LSS: variants seen among roughly 807,000 people sequenced by gnomAD.
The protein encoded by LSS is 2,3-epoxysqualene-lanosterol cyclase.
In LSS, 90 loss-of-function variants were observed where a neutral mutation model predicts 110.3. The observed-to-expected ratio is 0.82, with a 90% CI of 0.69 to 0.97. The LOEUF (loss-of-function observed/expected upper bound fraction) is 0.97. Among genes scored for constraint, LSS ranks in the 50% least tolerant of loss-of-function variants. LSS has a pLI of 0.00. For missense variants in LSS, 927 were observed against 990.0 expected, an observed-to-expected ratio of 0.94 and a Z score of 0.85; for synonymous variants, 433 against 400.0, an observed-to-expected ratio of 1.08 and a Z score of -0.98.
rs754521250 is a variant in LSS, at chr21:46,209,523, G to A, written c.1266+31C>T. 7.0e-6 allele frequency: 11 copies of A among 1,577,228 alleles called. No individual in the cohort carries two copies. The South Asian group carries it at 1.0e-4, about 15-fold the overall frequency. The stretch of plus-strand genomic sequence containing the variant: ...CTCCCAGCCCTGATCCCCCTCTTCA[G>A]CCCCCTCAGAGCCCCAGGCACCGGC... On this transcript the variant is annotated intron_variant, in intron 13 of 21. Transcript: ENST00000397728. This position sits in a 1 kb window ranked among gnomAD's most constrained non-coding sequence, Gnocchi z 4.4.
At chr21:46,192,462 C>T (rs1296342350) in intron 20 of LSS, 7 of 453,726 alleles carry the variant, frequency 1.5e-5, no homozygotes, top group African/African-American at 1.0e-4. Context: ...GAAGATTCCC[C>T]AAATGGCCAC....
chr21:46,192,088 G>A (rs2079824755), intron 20 of LSS, 129 bp from the exon 21 acceptor site: 2 of 733,890 alleles, frequency 2.7e-6, no homozygotes, highest in East Asian at 2.7e-5. Context: ...CTAAACTGAC[G>A]CCCACAGGCC....
At chr21:46,196,798 G>A (rs975538097) in intron 17 of LSS, among the ~76,000 whole-genome samples, 4 of 152,214 alleles carry the variant, frequency 2.6e-5, no homozygotes, top group South Asian at 2.1e-4. Flanking sequence ...TCCTGGGACC[G>A]AGGTCTGTGT....
rs746829042 is a variant in LSS, at chr21:46,227,703, C to T, written c.181-13G>A. On this transcript the variant is annotated splice_polypyrimidine_tract_variant and intron_variant, in intron 2 of 21. Coordinates refer to ENST00000397728, the MANE Select transcript of LSS (RefSeq NM_002340.6). ...TAAAGTAATTCTTCTGCAAAGAGAT[C>T]GAAAAAAAAAAAAAGAGATAGCTGA... 5 of 1,538,506 alleles carry T rather than the reference C, an allele frequency of 3.2e-6. No individual in the cohort carries two copies. The highest frequency in any genetic ancestry group is 1.7e-5 in the African/African-American group (1 of 59,360).
At chr21:46,194,334 T>C (rs1410470586) in intron 20 of LSS, among the ~76,000 whole-genome samples, 157 bp downstream of exon 20, 2 of 152,222 alleles carry the variant, frequency 1.3e-5, no homozygotes, top group Non-Finnish European at 2.9e-5. Flanking sequence ...GAACCAGGCA[T>C]GTGGCTCTTG....
chr21:46,191,241 A>G lies in LSS; in HGVS notation c.2068-6T>C. On this transcript the variant is annotated splice_region_variant and splice_polypyrimidine_tract_variant and intron_variant, in intron 21 of 21. Transcript: ENST00000397728. ...AAGACCCCAGCAATGTTTTCCTAAA[A>G]GAACACAGAGAAATAAACACAAAGG... is the stretch of plus-strand genomic sequence containing the variant. 1 of 1,614,014 alleles carries G rather than the reference A, an allele frequency of 6.2e-7. No individual in the cohort carries two copies. The highest frequency in any genetic ancestry group is 8.5e-7 in the Non-Finnish European group (1 of 1,179,954).
chr21:46,195,733 T>G lies in LSS; in HGVS notation c.1760A>C (p.Tyr587Ser). 6.2e-7 allele frequency: 1 copy of G among 1,613,830 alleles called. No homozygotes were observed. ...GGCCTCCAGGCCAAACCAGGTGCCG[T>G]AGGTGAAGCAAACTCCCCAGGAGCT... is the stretch of plus-strand genomic sequence containing the variant. ...WEGSWGVCFT[Y>S]GTWFGLEAFA... The change falls in exon 19 of 22, where the codon TAC (tyrosine) becomes TCC (serine). Residue 587 changes from tyrosine to serine, a missense_variant. Physicochemically the swap from Tyr to Ser is moderately radical, Grantham distance 144. Transcript: ENST00000397728.
intron 5 of LSS, among the ~76,000 whole-genome samples, chr21:46,220,821 C>A (rs532426854): frequency 1.1e-4 from 16 of 149,870 alleles, no homozygotes; most frequent in Non-Finnish European, 2.1e-4. Flanking sequence ...ACAGTTGGGG[C>A]TTGGAGAGGT....
chr21:46,202,173 T>A (rs560110669), intron 17 of LSS, among the ~76,000 whole-genome samples: 1 of 137,848 alleles, frequency 7.3e-6, no homozygotes, highest in Non-Finnish European at 1.6e-5. Context: ...GGCGGGCGGA[T>A]CACGAGGTCA....
chr21:46,205,774 G>C, intron 17 of LSS, 62 bp downstream of exon 17: 1 of 1,293,888 alleles, frequency 7.7e-7, no homozygotes, highest in Non-Finnish European at 1.1e-6. Context: ...ACAGAATGAT[G>C]CGTCTGGGTC....
chr21:46,215,937 C>T (rs1020716232), intron 7 of LSS, 144 bp from the exon 8 acceptor site: 37 of 601,052 alleles, frequency 6.2e-5, no homozygotes, highest in African/African-American at 2.4e-4. Flanking sequence ...CAACTGACCC[C>T]GAGGCCACAT....
chr21:46,196,004 T>C (rs970345507), intron 18 of LSS, among the ~76,000 whole-genome samples, 198 bp downstream of exon 18: 1 of 152,342 alleles, frequency 6.6e-6, no homozygotes, highest in Middle Eastern at 3.4e-3. Flanking sequence ...AGCAACGTAC[T>C]GAGCAATTTC....
chr21:46,202,970 G>A (rs1356083095), intron 17 of LSS, among the ~76,000 whole-genome samples: 1 of 152,194 alleles, frequency 6.6e-6, no homozygotes, highest in African/African-American at 2.4e-5. Context: ...TCCCCTGCGG[G>A]CCACATCCGG....
intron 17 of LSS, among the ~76,000 whole-genome samples, chr21:46,199,372 C>T (rs1254873527): frequency 6.6e-6 from 1 of 152,164 alleles, no homozygotes; most frequent in Non-Finnish European, 1.5e-5. Context: ...ACAGCAAATG[C>T]TGGTGAGGAT....
At chr21:46,205,655 A>G (rs2080037570) in intron 17 of LSS, among the ~76,000 whole-genome samples, 181 bp downstream of exon 17, 1 of 152,220 alleles carries the variant, frequency 6.6e-6, no homozygotes, top group Non-Finnish European at 1.5e-5. Flanking sequence ...CTGAGCCCCT[A>G]ACAGATATTT....
Position 46,196,279 on chromosome 21 carries a change from G to C in LSS, c.1671-12C>G, listed in dbSNP as rs1282291035. 2 of 1,612,380 alleles carry C rather than the reference G, an allele frequency of 1.2e-6. No individual in the cohort carries two copies. Among genetic ancestry groups the C allele is most frequent in the Non-Finnish European group, 1.7e-6 (2 of 1,178,524 alleles). On this transcript the variant is annotated splice_polypyrimidine_tract_variant and intron_variant, in intron 17 of 21. Coordinates refer to ENST00000397728, the MANE Select transcript of LSS (RefSeq NM_002340.6). ...GCGTGAGGGTCTCCCTGGAACACGA[G>C]ATTGGTCCAGTGAACATTCTGGTAA...
chr21:46,209,551 C>T lies in LSS; in HGVS notation c.1266+3G>A. 2 of 1,604,040 alleles carry T rather than the reference C, an allele frequency of 1.2e-6. No individual in the cohort carries two copies. Among genetic ancestry groups the T allele is most frequent in the Non-Finnish European group, 1.7e-6 (2 of 1,175,706 alleles). On this transcript the variant is annotated splice_donor_region_variant and intron_variant, in intron 13 of 21. Transcript: ENST00000397728. This position sits in a 1 kb window ranked among gnomAD's most constrained non-coding sequence, Gnocchi z 4.4. ...CCCTCAGAGCCCCAGGCACCGGCCT[C>T]ACCTGTGAGAGCCTCAGGAACTCAT...
rs1460615378 is a variant in LSS, at chr21:46,207,427, C to A, written c.1467+1G>T. On this transcript the variant is annotated splice_donor_variant, in intron 15 of 21. Transcript: ENST00000397728. LOFTEE classifies it high-confidence loss of function. ...CGGGGCTGCTGGGACCACAGCCTTA[C>A]CACAGCCACAGCATCGCAGAGCCGT... The A allele has an allele frequency of 1.2e-6, 2 of 1,611,740 alleles. No homozygotes were observed. Among genetic ancestry groups the A allele is most frequent in the Non-Finnish European group, 8.5e-7 (1 of 1,179,474 alleles).
intron 17 of LSS, among the ~76,000 whole-genome samples, chr21:46,205,498 T>C (rs565791343): frequency 1.3e-5 from 2 of 152,342 alleles, no homozygotes; most frequent in South Asian, 4.1e-4. Flanking sequence ...GACCAACCTG[T>C]ACACTTTTCT....
Sources: gnomAD v4.1 joint callset for allele counts (sites outside exome capture counted in the v4.1 genomes callset) on GRCh38, gnomAD v4.1.1 for gene constraint, Gnocchi (gnomAD v3.1) non-coding constraint, MANE v1.5 for transcripts, NCBI Gene and HGNC (gene_info 2026-07-23, HGNC 2026-07-21) for gene names.